Variants in PLA2G4A observed in about 807,000 individuals in gnomAD.
PLA2G4A encodes the protein cytosolic phospholipase A2.
PLA2G4A carries 40 observed loss-of-function variants against 81.9 expected under a neutral mutation model. The ratio of observed to expected loss-of-function variants is 0.49; its 90% CI spans 0.38 to 0.64. The LOEUF is 0.64. Among genes scored for constraint, PLA2G4A ranks in the 30% least tolerant of loss-of-function variants. The probability of loss-of-function intolerance (pLI) is 0.00; values close to 1 mark genes in which losing one functional copy is unlikely to be tolerated. For missense variants in PLA2G4A, 715 were observed against 905.1 expected, an observed-to-expected ratio of 0.79 and a Z score of 2.69; for synonymous variants, 302 against 296.9, an observed-to-expected ratio of 1.02 and a Z score of -0.18.
At position 186,986,234 on chromosome 1, in the gene PLA2G4A, A is replaced by AT. The variant is rs201814893; in HGVS notation, c.2119-2135dup. ...CTAGTTCCTGATGTTGATATTGCTG[A>AT]TTTTTTTTATGCTCAAGAATTCATT... On this transcript the variant is annotated intron_variant, in intron 17 of 17. Transcript: ENST00000367466. Among the ~76,000 whole-genome samples, 53 of 152,136 alleles carry AT rather than the reference A, an allele frequency of 3.5e-4. No homozygotes were observed. The East Asian group carries it at 9.3e-3, about 27-fold the overall frequency.
chr1:186,937,961 C>T (rs1420257772), intron 8 of PLA2G4A, among the ~76,000 whole-genome samples: 2 of 151,970 alleles, frequency 1.3e-5, no homozygotes, highest in African/African-American at 2.4e-5. Context: ...TTTCTCCCCT[C>T]GAAGGGACGA....
chr1:186,931,069 T>C (rs1455661224), intron 7 of PLA2G4A, among the ~76,000 whole-genome samples: 1 of 152,204 alleles, frequency 6.6e-6, no homozygotes, highest in Non-Finnish European at 1.5e-5. Context: ...TATTGTATTC[T>C]ACTCATCCTC....
chr1:186,986,709 A>C (rs1191667392), intron 17 of PLA2G4A, among the ~76,000 whole-genome samples: 1 of 152,258 alleles, frequency 6.6e-6, no homozygotes, highest in Non-Finnish European at 1.5e-5. Flanking sequence ...AGCACTTTAT[A>C]GAAATGATCT....
chr1:186,961,982 C>G (rs1046919654), intron 14 of PLA2G4A, among the ~76,000 whole-genome samples: 3 of 152,150 alleles, frequency 2.0e-5, no homozygotes, highest in African/African-American at 7.2e-5. Context: ...ATGATGAACT[C>G]TCATGCCTTT....
At chr1:186,834,392 T>G (rs1421726373) in intron 1 of PLA2G4A, among the ~76,000 whole-genome samples, 2 of 152,194 alleles carry the variant, frequency 1.3e-5, no homozygotes, top group Non-Finnish European at 2.9e-5. Flanking sequence ...TTTTTCTTTT[T>G]TTTAATGTCT....
chr1:186,897,698 G>A (rs1171888134), intron 5 of PLA2G4A, among the ~76,000 whole-genome samples: 7 of 151,818 alleles, frequency 4.6e-5, no homozygotes, highest in African/African-American at 9.7e-5. Context: ...TAGTAGAGAC[G>A]GGGTTTCACC....
chr1:186,959,294 A>G (rs1656864471), intron 14 of PLA2G4A, among the ~76,000 whole-genome samples: 1 of 152,148 alleles, frequency 6.6e-6, no homozygotes, highest in African/African-American at 2.4e-5. Flanking sequence ...TTCTTCATTT[A>G]GTGCCCTTTG....
intron 14 of PLA2G4A, among the ~76,000 whole-genome samples, chr1:186,960,384 A>G (rs1391424576): frequency 1.3e-5 from 2 of 152,230 alleles, no homozygotes; most frequent in Non-Finnish European, 2.9e-5. Context: ...CTTTAAGGAA[A>G]TGTTACATAA....
At chr1:186,928,936 G>T (rs1655646464) in intron 7 of PLA2G4A, among the ~76,000 whole-genome samples, 1 of 152,128 alleles carries the variant, frequency 6.6e-6, no homozygotes. Context: ...GCACTTACTT[G>T]ATTCTCTTAG....
chr1:186,911,479 A>G (rs1009390953), intron 7 of PLA2G4A, 90 bp downstream of exon 7: 2 of 929,234 alleles, frequency 2.2e-6, no homozygotes, highest in Non-Finnish European at 3.6e-6. Context: ...ATATGGCAAT[A>G]TTGAGATTGA....
intron 6 of PLA2G4A, among the ~76,000 whole-genome samples, chr1:186,909,258 G>T (rs941679396): frequency 1.3e-5 from 2 of 150,992 alleles, no homozygotes; most frequent in African/African-American, 4.8e-5. Context: ...ACAGGCATGA[G>T]CCACCGCGCC....
At chr1:186,906,430 G>C (rs1277795006) in intron 5 of PLA2G4A, among the ~76,000 whole-genome samples, 1 of 152,134 alleles carries the variant, frequency 6.6e-6, no homozygotes, top group Non-Finnish European at 1.5e-5. Flanking sequence ...GATGTTTCCC[G>C]AGTCAACTAC....
At chr1:186,925,558 G>C (rs751927620) in intron 7 of PLA2G4A, among the ~76,000 whole-genome samples, 2 of 151,922 alleles carry the variant, frequency 1.3e-5, no homozygotes, top group African/African-American at 2.4e-5. Context: ...CCTGTACAGC[G>C]CTCCCTCTTG....
intron 3 of PLA2G4A, among the ~76,000 whole-genome samples, chr1:186,874,479 A>G (rs548314168): frequency 6.6e-6 from 1 of 152,236 alleles, no homozygotes; most frequent in Non-Finnish European, 1.5e-5. Context: ...GAGATTAGAT[A>G]AGAAATGCCA....
chr1:186,842,354 C>T (rs1652014823), intron 1 of PLA2G4A, among the ~76,000 whole-genome samples: 1 of 151,988 alleles, frequency 6.6e-6, no homozygotes, highest in East Asian at 1.9e-4. Context: ...CATATCATGT[C>T]TTATATCACA....
intron 7 of PLA2G4A, among the ~76,000 whole-genome samples, chr1:186,920,657 A>G (rs1156390360): frequency 6.6e-6 from 1 of 152,164 alleles, no homozygotes; most frequent in Non-Finnish European, 1.5e-5. Context: ...ATTTCCTTAC[A>G]GTAGGCGCAT....
chr1:186,870,353 G>C, intron 2 of PLA2G4A, 82 bp from the exon 3 acceptor site: 2 of 832,716 alleles, frequency 2.4e-6, no homozygotes, highest in Non-Finnish European at 4.1e-6. Context: ...TTTTTAAGTA[G>C]AATATTTTAA....
intron 5 of PLA2G4A, among the ~76,000 whole-genome samples, chr1:186,900,495 A>G (rs1336703695): frequency 6.6e-6 from 1 of 152,212 alleles, no homozygotes; most frequent in African/African-American, 2.4e-5. Context: ...TACTGACCAA[A>G]ATGAACTTGT....
chr1:186,843,541 G>C (rs543498680), intron 1 of PLA2G4A, among the ~76,000 whole-genome samples: 1 of 152,202 alleles, frequency 6.6e-6, no homozygotes, highest in African/African-American at 2.4e-5. Flanking sequence ...AGACTGACAC[G>C]TGTATAATGG....
Sources: gnomAD v4.1 joint callset for allele counts (sites outside exome capture counted in the v4.1 genomes callset) on GRCh38, gnomAD v4.1.1 for gene constraint, MANE v1.5 for transcripts, NCBI Gene and HGNC (gene_info 2026-07-23, HGNC 2026-07-21) for gene names.